RELN: variants seen among roughly 807,000 people sequenced by gnomAD.
The protein encoded by RELN is reelin.
Under a neutral mutation model 427.6 loss-of-function variants are expected in RELN, and 108 were observed. That is an observed-to-expected ratio of 0.25 (90% CI 0.22 to 0.30). RELN has a LOEUF of 0.30. Among genes scored for constraint, RELN ranks in the 10% least tolerant of loss-of-function variants. The pLI, the probability that RELN is intolerant of heterozygous loss-of-function variation, is 1.00. For missense variants in RELN, 3,715 were observed against 4,302.8 expected (o/e 0.86, Z 3.82); for synonymous variants, 1,524 against 1,513.4 (o/e 1.01, Z -0.16).
At chr7:103,775,018 C>A (rs902096064) in intron 4 of RELN, among the ~76,000 whole-genome samples, 20 of 152,168 alleles carry the variant, frequency 1.3e-4, no homozygotes, top group Admixed American at 8.5e-4. Flanking sequence ...TTAAATGAAA[C>A]CAACCCCAAT....
chr7:103,632,135 G>T (rs1433694716), intron 19 of RELN, among the ~76,000 whole-genome samples: 2 of 152,292 alleles, frequency 1.3e-5, no homozygotes, highest in East Asian at 1.9e-4. Flanking sequence ...CACGGCAGAG[G>T]TGTTAAGACT....
intron 1 of RELN, among the ~76,000 whole-genome samples, chr7:103,966,615 A>G (rs747504330): frequency 3.9e-5 from 6 of 152,248 alleles, no homozygotes; most frequent in Non-Finnish European, 8.8e-5. Context: ...ATTGTGATTC[A>G]GTTTAACAAC....
rs369993428 is a variant in RELN at position 103,556,983 on chromosome 7, T to C, written c.5791A>G (p.Asn1931Asp). The change falls in exon 38 of 65, where the codon AAT (asparagine) becomes GAT (aspartate). Residue 1931 changes from asparagine to aspartate, a missense_variant. This residue lies in a region of RELN where 1,310 missense variants were observed against 1,643.0 expected (regional missense o/e 0.80). Transcript: ENST00000428762. ...ATRFRLWQPYNNGKKEEIWIV... is the reference protein window; with the variant it reads ...ATRFRLWQPYDNGKKEEIWIV... ...AGAACACATGCATTTTTACCGTTAT[T>C]ATAAGGTTGCCAGAGTCTGAATCTT... is the stretch of plus-strand genomic sequence containing the variant. 2 of 1,611,110 alleles carry C rather than the reference T, an allele frequency of 1.2e-6. No individual in the cohort carries two copies. The highest frequency in any genetic ancestry group is 1.7e-6 in the Non-Finnish European group (2 of 1,177,308).
intron 2 of RELN, among the ~76,000 whole-genome samples, chr7:103,878,645 T>G (rs1057237709): frequency 2.0e-5 from 3 of 152,104 alleles, no homozygotes; most frequent in Non-Finnish European, 4.4e-5. Flanking sequence ...TTCAAAAAAG[T>G]TAGCTCCAAC....
chr7:103,652,496 C>A, intron 14 of RELN, 55 bp downstream of exon 14: 1 of 1,424,586 alleles, frequency 7.0e-7, no homozygotes. Context: ...TATTTAATAG[C>A]CAAATCTGCA....
intron 25 of RELN, among the ~76,000 whole-genome samples, chr7:103,595,270 A>G (rs1831511315): frequency 6.6e-6 from 1 of 152,202 alleles, no homozygotes; most frequent in African/African-American, 2.4e-5. Context: ...TGTTTAAGCC[A>G]GTTTGGCACC....
chr7:103,489,048 T>C (rs1828549195), intron 60 of RELN, among the ~76,000 whole-genome samples: 1 of 152,120 alleles, frequency 6.6e-6, no homozygotes, highest in African/African-American at 2.4e-5. Context: ...GTTAGAAACA[T>C]TGGATCAAAG....
chr7:103,927,872 A>T (rs1737758083), intron 1 of RELN, among the ~76,000 whole-genome samples: 1 of 152,206 alleles, frequency 6.6e-6, no homozygotes, highest in Non-Finnish European at 1.5e-5. Flanking sequence ...GTGATTAGTT[A>T]TCTAAAGAGT....
intron 1 of RELN, among the ~76,000 whole-genome samples, chr7:103,924,985 T>TACACACACACAC (rs1228074490): frequency 7.3e-6 from 1 of 137,540 alleles, no homozygotes; most frequent in African/African-American, 2.8e-5. Context: ...TGCATGCGCA[T>TACACACACACAC]ACACATACAC....
At chr7:103,872,024 A>ATT (rs1312027696) in intron 2 of RELN, among the ~76,000 whole-genome samples, 2 of 94,282 alleles carry the variant, frequency 2.1e-5, no homozygotes, top group South Asian at 3.5e-4. Context: ...ATATATATAT[A>ATT]TATATATTTT....
intron 3 of RELN, among the ~76,000 whole-genome samples, chr7:103,809,035 A>C (rs1792669999): frequency 6.6e-6 from 1 of 152,186 alleles, no homozygotes; most frequent in African/African-American, 2.4e-5. Flanking sequence ...ACCCCAAACA[A>C]GTGTAAAGAA....
intron 2 of RELN, among the ~76,000 whole-genome samples, chr7:103,865,064 G>C (rs1249895309): frequency 6.8e-6 from 1 of 147,042 alleles, no homozygotes; most frequent in South Asian, 2.1e-4. Flanking sequence ...AACCTGGAAG[G>C]CAGAGGTGGC....
intron 1 of RELN, among the ~76,000 whole-genome samples, chr7:103,958,447 A>T (rs942811637): frequency 1.3e-5 from 2 of 152,188 alleles, no homozygotes; most frequent in Non-Finnish European, 2.9e-5. Flanking sequence ...CCCAATATGA[A>T]GCAGCTTCAT....
intron 2 of RELN, among the ~76,000 whole-genome samples, chr7:103,898,429 T>G (rs750670249): frequency 6.6e-6 from 1 of 152,050 alleles, no homozygotes; most frequent in African/African-American, 2.4e-5. Flanking sequence ...ACAAACTGTT[T>G]GTATTTCCAT....
intron 6 of RELN, 55 bp downstream of exon 6, chr7:103,749,371 C>A: frequency 1.5e-6 from 2 of 1,311,408 alleles, no homozygotes; most frequent in South Asian, 1.2e-5. Context: ...AAGGAGCAGT[C>A]AGCATCATTT....
chr7:103,821,747 G>A (rs1472721623), intron 3 of RELN, among the ~76,000 whole-genome samples: 2 of 152,072 alleles, frequency 1.3e-5, no homozygotes, highest in Non-Finnish European at 2.9e-5. Context: ...TTGATTAAGG[G>A]ACCTACCATC....
intron 11 of RELN, among the ~76,000 whole-genome samples, chr7:103,669,340 C>CT (rs2115611299): frequency 6.6e-6 from 1 of 152,292 alleles, no homozygotes; most frequent in South Asian, 2.1e-4. Context: ...GAATAACTTA[C>CT]TTTGCATTTA....
At chr7:103,505,223 G>C (rs980102880) in intron 51 of RELN, among the ~76,000 whole-genome samples, 1 of 152,204 alleles carries the variant, frequency 6.6e-6, no homozygotes, top group Non-Finnish European at 1.5e-5. Flanking sequence ...TCTGATAAGG[G>C]ACAGGCTGCC....
At position 103,771,862 on chromosome 7, in the gene RELN, A is replaced by C. The variant is rs79510414; in HGVS notation, c.544+4695T>G. ...AGCATTTATTTCTCATTTCACAATA[A>C]TCTGTCTTCCCTTGTCTGCCTGTCC... On this transcript the variant is annotated intron_variant, in intron 4 of 64. Transcript: ENST00000428762. Among the ~76,000 whole-genome samples, 141 of 152,268 alleles carry C rather than the reference A, an allele frequency of 9.3e-4. 1 individual carries two copies. In the East Asian group the frequency reaches 0.025, roughly 27 times the overall value.
Sources: allele counts gnomAD v4.1 joint callset (sites outside exome capture counted in the v4.1 genomes callset), GRCh38; gene constraint gnomAD v4.1.1; regional missense constraint gnomAD v4.1.1; transcripts MANE v1.5; gene names NCBI Gene and HGNC (gene_info 2026-07-23, HGNC 2026-07-21).